The following WDR47 variants were observed in gnomAD, a reference collection of about 807,000 sequenced individuals.
The protein encoded by WDR47 is WD repeat domain 47.
Under a neutral mutation model 97.2 loss-of-function variants are expected in WDR47, and 32 were observed. The observed-to-expected ratio is 0.33, with a 90% CI of 0.25 to 0.44. WDR47 has a LOEUF of 0.44. WDR47 is among the 20% of genes least tolerant of loss of function. The probability of loss-of-function intolerance (pLI) is 1.00; values close to 1 mark genes in which losing one functional copy is unlikely to be tolerated. For missense variants in WDR47, 782 were observed against 1,102.3 expected, an observed-to-expected ratio of 0.71 and a Z score of 4.11; for synonymous variants, 375 against 373.5, an observed-to-expected ratio of 1.00 and a Z score of -0.05.
Position 109,011,530 on chromosome 1 carries a change from A to G in WDR47, c.516T>C (p.Val172=). 1 of 1,614,238 alleles carries G rather than the reference A, an allele frequency of 6.2e-7. No homozygotes were observed. Among genetic ancestry groups the G allele is most frequent in the Admixed American group, 1.7e-5 (1 of 60,016 alleles). The part of the protein sequence containing the change: ...VHCFEEACVM[V]AEFIPADRKL... ...TCCTATCAGCAGGGATGAATTCTGC[A>G]ACCATGACACAAGCCTCTTCAAAAC... The change falls in exon 5 of 15, where the codon GTT becomes GTC. Residue 172 remains valine, a synonymous_variant. Coordinates refer to ENST00000369962, the MANE Select transcript of WDR47 (RefSeq NM_001142551.2).
chr1:108,973,302 C>T (rs979503256), intron 14 of WDR47, among the ~76,000 whole-genome samples: 15 of 151,952 alleles, frequency 9.9e-5, no homozygotes, highest in Non-Finnish European at 1.9e-4. Flanking sequence ...AAATAGCCTT[C>T]CCCTATTCAC....
chr1:109,010,832 T>G, intron 5 of WDR47, 84 bp downstream of exon 5: 1 of 1,336,970 alleles, frequency 7.5e-7, no homozygotes, highest in South Asian at 1.4e-5. Flanking sequence ...TCCACCCACC[T>G]CGGCCTCCCA....
intron 9 of WDR47, among the ~76,000 whole-genome samples, chr1:108,991,045 T>A (rs1051688885): frequency 2.6e-5 from 4 of 151,478 alleles, no homozygotes; most frequent in Non-Finnish European, 4.4e-5. Flanking sequence ...GTTGCCCAGG[T>A]TGGAGTGGTG....
chr1:109,037,561 A>T (rs1187752401), intron 1 of WDR47, among the ~76,000 whole-genome samples: 3 of 145,206 alleles, frequency 2.1e-5, no homozygotes, highest in Non-Finnish European at 4.5e-5. Flanking sequence ...TGGGAGGCGG[A>T]GCTTGCAGTG....
intron 1 of WDR47, among the ~76,000 whole-genome samples, chr1:109,036,856 T>TA (rs1200619093): frequency 6.6e-6 from 1 of 151,754 alleles, no homozygotes; most frequent in Non-Finnish European, 1.5e-5. Context: ...AATAAATAAA[T>TA]AATAAAGCAC....
At chr1:109,028,574 C>T (rs1275099550) in intron 1 of WDR47, among the ~76,000 whole-genome samples, 1 of 150,730 alleles carries the variant, frequency 6.6e-6, no homozygotes, top group Non-Finnish European at 1.5e-5. Context: ...GTGACTGAAG[C>T]AATCCAGCTA....
chr1:109,035,021 GA>G (rs1662836448), intron 1 of WDR47, among the ~76,000 whole-genome samples: 1 of 151,694 alleles, frequency 6.6e-6, no homozygotes. Context: ...TTGGGAGGCT[GA>G]GATCGGAGGA....
chr1:108,978,090 G>A (rs992217759), intron 13 of WDR47, among the ~76,000 whole-genome samples: 2 of 151,076 alleles, frequency 1.3e-5, no homozygotes, highest in Admixed American at 1.3e-4. Context: ...ACTGTATGAA[G>A]CTTGTCCTCT....
intron 1 of WDR47, among the ~76,000 whole-genome samples, chr1:109,032,593 T>A (rs1662679298): frequency 1.3e-5 from 2 of 152,042 alleles, no homozygotes; most frequent in African/African-American, 4.8e-5. Context: ...TTGTCAACTT[T>A]GACACTAAAA....
In WDR47 at chr1:108,995,658, A is replaced by C. The variant is rs1207207307; in HGVS notation, c.1613T>G (p.Ile538Ser). The change falls in exon 8 of 15, where the codon ATT becomes AGT. Residue 538 changes from isoleucine to serine, a missense_variant. By Grantham distance (142) the Ile-to-Ser change is moderately radical (BLOSUM62 -2). Coordinates refer to ENST00000369962, the MANE Select transcript of WDR47 (RefSeq NM_001142551.2). The part of the protein sequence containing the change: ...SQRLTHDASN[I>S]HTSTPRNPGS... ...AGGATTACGAGGAGTGCTTGTATGA[A>C]TATTTGAAGCATCATGTGTTAATCT... 6 of 1,614,106 alleles carry C rather than the reference A, an allele frequency of 3.7e-6. No individual in the cohort carries two copies. In the South Asian group the frequency reaches 6.6e-5, roughly 18 times the overall value.
intron 7 of WDR47, among the ~76,000 whole-genome samples, chr1:108,999,441 C>T (rs1345509237): frequency 1.3e-5 from 2 of 150,794 alleles, no homozygotes; most frequent in African/African-American, 4.9e-5. Flanking sequence ...TGGTGGTTCT[C>T]GCCTGTAATC....
chr1:109,012,302 C>T (rs1048534192), intron 4 of WDR47, among the ~76,000 whole-genome samples: 7 of 151,958 alleles, frequency 4.6e-5, no homozygotes, highest in African/African-American at 1.7e-4. Context: ...AAAAGGGAGC[C>T]GAGCACAGTG....
chr1:109,009,514 T>G (rs1384269495), intron 5 of WDR47, among the ~76,000 whole-genome samples: 1 of 152,190 alleles, frequency 6.6e-6, no homozygotes, highest in South Asian at 2.1e-4. Flanking sequence ...AGAAAAAAAG[T>G]AGAAACAACC....
Position 109,011,025 on chromosome 1 carries a change from T to C in WDR47, c.1021A>G (p.Met341Val), listed in dbSNP as rs1233419770. 4 of 1,614,130 alleles carry C rather than the reference T, an allele frequency of 2.5e-6. No homozygotes were observed. The highest frequency in any genetic ancestry group is 3.4e-6 in the Non-Finnish European group (4 of 1,180,022). The stretch of plus-strand genomic sequence containing the variant: ...TGGAAGTTAGCAAAGGAGTGTGACA[T>C]TGGAGAAGTTTTGTTTCCAAGGTCT... ...ISDLGNKTSP[M>V]SHSFANFHYP... Residue 341 changes from methionine to valine, a missense_variant, in exon 5 of 15, where the codon ATG becomes GTG. By Grantham distance (21) the Met-to-Val change is conservative. This residue lies in a region of WDR47 where 428 missense variants were observed against 584.3 expected (regional missense o/e 0.73). Coordinates refer to ENST00000369962, the MANE Select transcript of WDR47 (RefSeq NM_001142551.2).
rs1315856295 is a variant in WDR47, at chr1:109,030,176, C to T, written c.-9-6655G>A. The T allele has an allele frequency of 4.8e-6, 7 of 1,443,828 alleles. 1 individual carries two copies. The Admixed American group carries it at 5.4e-5, about 11-fold the overall frequency. 89.4% of individuals were successfully genotyped at this position (1,443,828 alleles called of 1,614,324 possible). On this transcript the variant is annotated intron_variant, in intron 1 of 14. Coordinates refer to ENST00000369962, the MANE Select transcript of WDR47 (RefSeq NM_001142551.2). ...ATTCCTACTTCATGGGTGTGAAATG[C>T]CCAGGATAATATAAATCACCACGGT... is the stretch of plus-strand genomic sequence containing the variant.
intron 8 of WDR47, among the ~76,000 whole-genome samples, chr1:108,991,576 G>C (rs1375998218): frequency 3.3e-5 from 5 of 152,118 alleles, no homozygotes; most frequent in Non-Finnish European, 7.4e-5. Flanking sequence ...ATAGTGAGAT[G>C]TCAAGTACCC....
intron 6 of WDR47, among the ~76,000 whole-genome samples, chr1:109,003,991 G>A (rs995254808): frequency 5.9e-5 from 9 of 152,136 alleles, no homozygotes; most frequent in South Asian, 2.1e-4. Context: ...CCGGCCGGGC[G>A]CGGTGGCTCA....
chr1:108,990,130 G>A (rs181284638), intron 9 of WDR47, among the ~76,000 whole-genome samples: 1 of 152,244 alleles, frequency 6.6e-6, no homozygotes, highest in African/African-American at 2.4e-5. Flanking sequence ...GGGAGGTCGA[G>A]GTGGGAGGAT....
chr1:109,000,308 A>G (rs1660083088), intron 7 of WDR47, among the ~76,000 whole-genome samples: 1 of 151,744 alleles, frequency 6.6e-6, no homozygotes, highest in African/African-American at 2.4e-5. Context: ...CAGGAGATCG[A>G]GACCAGCCTG....
Sources: allele counts gnomAD v4.1 joint callset (sites outside exome capture counted in the v4.1 genomes callset), GRCh38; gene constraint gnomAD v4.1.1; regional missense constraint gnomAD v4.1.1; transcripts MANE v1.5; gene names NCBI Gene and HGNC (gene_info 2026-07-23, HGNC 2026-07-21).